The following FGGY variants were observed in gnomAD, a reference collection of about 807,000 sequenced individuals.
FGGY encodes FGGY carbohydrate kinase domain-containing protein.
In FGGY, 72 loss-of-function variants were observed where a neutral mutation model predicts 71.3. The ratio of observed to expected loss-of-function variants is 1.01; its 90% CI spans 0.84 to 1.23. The LOEUF (loss-of-function observed/expected upper bound fraction) is 1.23, where lower values mean the gene tolerates loss of function less well. Ranked by LOEUF, FGGY falls within the 50% of genes most tolerant of loss-of-function variation. The pLI, the probability that FGGY is intolerant of heterozygous loss-of-function variation, is 0.00. For missense variants in FGGY, 668 were observed against 682.3 expected, an observed-to-expected ratio of 0.98 and a Z score of 0.23; for synonymous variants, 251 against 250.3, an observed-to-expected ratio of 1.00 and a Z score of -0.02.
intron 1 of FGGY, among the ~76,000 whole-genome samples, chr1:59,299,451 G>A (rs2042422064): frequency 6.6e-6 from 1 of 152,330 alleles, no homozygotes; most frequent in South Asian, 2.1e-4. Context: ...GAATGAATTG[G>A]ATTGGCGAAG....
At chr1:59,613,166 A>G (rs1278149821) in intron 9 of FGGY, among the ~76,000 whole-genome samples, 1 of 152,154 alleles carries the variant, frequency 6.6e-6, no homozygotes, top group Non-Finnish European at 1.5e-5. Flanking sequence ...CATCTACAGA[A>G]CTCTCCACCC....
At chr1:59,647,525 C>T (rs956801708) in intron 11 of FGGY, among the ~76,000 whole-genome samples, 2 of 152,042 alleles carry the variant, frequency 1.3e-5, no homozygotes, top group Non-Finnish European at 2.9e-5. Context: ...CTGGTTCCTC[C>T]GTAACCAAAG....
chr1:59,556,154 T>C (rs2095683104), intron 8 of FGGY, among the ~76,000 whole-genome samples: 1 of 152,178 alleles, frequency 6.6e-6, no homozygotes. Context: ...TCCCTTGATA[T>C]GAGTCTACAC....
Position 59,340,023 on chromosome 1 carries a change from G to A in FGGY, c.267G>A (p.Leu89=). 6.2e-7 allele frequency: 1 copy of A among 1,613,272 alleles called. No homozygotes were observed. The highest frequency in any genetic ancestry group is 8.5e-7 in the Non-Finnish European group (1 of 1,179,560). Residue 89 remains leucine, a synonymous_variant, in exon 3 of 16, where the codon CTG becomes CTA. Transcript: ENST00000303721. ...RGLGFDATCS[L]VVLDKQFHPL... is the part of the protein sequence containing the mutation. ...TTGGGTTTGATGCCACGTGTTCTCT[G>A]GTTGTTTTGGATAAGCAGTTTCACC...
At chr1:59,671,818 A>G (rs1218839449) in intron 13 of FGGY, among the ~76,000 whole-genome samples, 1 of 152,164 alleles carries the variant, frequency 6.6e-6, no homozygotes, top group Non-Finnish European at 1.5e-5. Context: ...CTTGCCTAGG[A>G]TCACACAGCT....
At chr1:59,656,419 G>A (rs572525608) in intron 11 of FGGY, among the ~76,000 whole-genome samples, 1 of 152,258 alleles carries the variant, frequency 6.6e-6, no homozygotes, top group Admixed American at 6.5e-5. Context: ...ACAGCTCCCC[G>A]AGGGTCCTTT....
At chr1:59,755,841 C>T (rs2098285456) in intron 14 of FGGY, 1 of 152,200 alleles carries the variant, frequency 6.6e-6, no homozygotes, top group Non-Finnish European at 1.5e-5. Flanking sequence ...CAAAGCACAG[C>T]CAGGAGGAGC....
At chr1:59,589,617 C>T (rs1571758266) in intron 8 of FGGY, among the ~76,000 whole-genome samples, 1 of 152,168 alleles carries the variant, frequency 6.6e-6, no homozygotes, top group Non-Finnish European at 1.5e-5. Flanking sequence ...CAAAGTAGAA[C>T]TCAGGATTCA....
chr1:59,601,667 C>G (rs553512630), intron 8 of FGGY, among the ~76,000 whole-genome samples: 1 of 152,258 alleles, frequency 6.6e-6, no homozygotes, highest in African/African-American at 2.4e-5. Context: ...ATGCCCCAGC[C>G]CATACTGAAT....
chr1:59,371,639 A>C (rs1205977903), intron 4 of FGGY, among the ~76,000 whole-genome samples: 2 of 152,206 alleles, frequency 1.3e-5, no homozygotes, highest in Non-Finnish European at 2.9e-5. Context: ...CTATTCCAAA[A>C]TTGACCACAT....
At chr1:59,333,027 C>T (rs1298376832) in intron 2 of FGGY, among the ~76,000 whole-genome samples, 2 of 152,218 alleles carry the variant, frequency 1.3e-5, no homozygotes, top group Non-Finnish European at 2.9e-5. Context: ...GGAGGTATCT[C>T]TCACTCAGGA....
chr1:59,679,846 A>G (rs1026192799), intron 14 of FGGY, among the ~76,000 whole-genome samples: 2 of 152,084 alleles, frequency 1.3e-5, no homozygotes, highest in African/African-American at 4.8e-5. Flanking sequence ...AGCTTATTTC[A>G]CCAGTCCTCC....
At chr1:59,366,275 T>C (rs2056571553) in intron 4 of FGGY, among the ~76,000 whole-genome samples, 1 of 152,200 alleles carries the variant, frequency 6.6e-6, no homozygotes, top group Admixed American at 6.5e-5. Context: ...TACAAATAAA[T>C]TCTATGATGT....
chr1:59,716,574 A>G (rs769183359), intron 14 of FGGY, among the ~76,000 whole-genome samples: 1 of 152,246 alleles, frequency 6.6e-6, no homozygotes, highest in Non-Finnish European at 1.5e-5. Flanking sequence ...CAAAGAAAAA[A>G]GAATCTCAGT....
chr1:59,699,910 A>T (rs989150178), intron 14 of FGGY, among the ~76,000 whole-genome samples: 1 of 152,116 alleles, frequency 6.6e-6, no homozygotes, highest in East Asian at 1.9e-4. Context: ...TCAATATTCT[A>T]TATCCATATT....
At chr1:59,526,665 T>C (rs946404437) in intron 7 of FGGY, among the ~76,000 whole-genome samples, 2 of 152,234 alleles carry the variant, frequency 1.3e-5, no homozygotes, top group Non-Finnish European at 2.9e-5. Context: ...AGTAGTAGAA[T>C]GTGCAGAGGC....
chr1:59,643,798 T>A (rs2097060975), intron 11 of FGGY, among the ~76,000 whole-genome samples: 1 of 152,214 alleles, frequency 6.6e-6, no homozygotes, highest in Admixed American at 6.5e-5. Context: ...TCAACAGTTC[T>A]TAGGTCAGAA....
chr1:59,670,582 A>G (rs963770417), intron 13 of FGGY, among the ~76,000 whole-genome samples: 5 of 152,112 alleles, frequency 3.3e-5, no homozygotes, highest in Non-Finnish European at 7.4e-5. Context: ...CATGTAGATC[A>G]CTGCTGAGGA....
chr1:59,685,940 T>C (rs767684677), intron 14 of FGGY, among the ~76,000 whole-genome samples: 97 of 152,140 alleles, frequency 6.4e-4, no homozygotes, highest in Non-Finnish European at 5.1e-4. Flanking sequence ...AGTCAAAGAA[T>C]TATACCAATT....
Sources: allele counts gnomAD v4.1 joint callset (sites outside exome capture counted in the v4.1 genomes callset), GRCh38; gene constraint gnomAD v4.1.1; transcripts MANE v1.5; gene names NCBI Gene and HGNC (gene_info 2026-07-23, HGNC 2026-07-21).